Variants in LDHA observed in about 807,000 individuals in gnomAD.
LDHA encodes the protein L-lactate dehydrogenase A chain.
Under a neutral mutation model 36.3 loss-of-function variants are expected in LDHA, and 10 were observed. The ratio of observed to expected loss-of-function variants is 0.28; its 90% CI spans 0.17 to 0.47. The LOEUF is 0.47. Among genes scored for constraint, LDHA ranks in the 20% least tolerant of loss-of-function variants. The pLI, the probability that LDHA is intolerant of heterozygous loss-of-function variation, is 0.99. For synonymous variants in LDHA, 110 were observed against 136.7 expected (o/e 0.80, Z 1.36); for missense variants, 267 against 405.8 (o/e 0.66, Z 2.94).
In LDHA at chr11:18,402,944, G is replaced by T. The variant is rs1424164242; in HGVS notation, c.523G>T (p.Gly175Trp). The change falls in exon 5 of 8, where the codon GGG (glycine) becomes TGG (tryptophan). Residue 175 changes from glycine (G) to tryptophan (W), a missense_variant. By Grantham distance (184) the Gly-to-Trp change is radical (BLOSUM62 -2). Transcript: ENST00000422447. The part of the protein sequence containing the change: ...LDSARFRYLM[G>W]ERLGVHPLSC... Reference sequence around the variant, plus strand: ...TTCAGCCCGATTCCGTTACCTAATGGGGGAAAGGCTGGGAGTTCACCCATT... The same window carrying T: ...TTCAGCCCGATTCCGTTACCTAATGTGGGAAAGGCTGGGAGTTCACCCATT... 6.2e-7 allele frequency: 1 copy of T among 1,612,554 alleles called. No individual in the cohort carries two copies. Among genetic ancestry groups the T allele is most frequent in the Non-Finnish European group, 8.5e-7 (1 of 1,178,582 alleles).
In LDHA at chr11:18,407,199, T is replaced by C. The variant is rs753349051; in HGVS notation, c.917T>C (p.Val306Ala). The change falls in exon 8 of 8, where the codon GTG becomes GCG. Residue 306 changes from valine to alanine, a missense_variant. Transcript: ENST00000422447. ...AATGGAATCTCAGACCTTGTGAAGG[T>C]GACTCTGACTTCTGAGGAAGAGGCC... Reference protein sequence around the residue: ...GQNGISDLVKVTLTSEEEARL... With the variant: ...GQNGISDLVKATLTSEEEARL... 6.2e-7 allele frequency: 1 copy of C among 1,613,698 alleles called. No homozygotes were observed. The highest frequency in any genetic ancestry group is 2.2e-5 in the East Asian group (1 of 44,864).
intron 2 of LDHA, chr11:18,398,741 G>C (rs1461830509): frequency 1.3e-5 from 2 of 151,654 alleles, no homozygotes; most frequent in Admixed American, 6.6e-5. Context: ...AGCCTCCCAA[G>C]TAGCTGGGAC....
intron 1 of LDHA, chr11:18,396,442 G>C (rs1866305760): frequency 6.5e-6 from 3 of 458,904 alleles, no homozygotes; most frequent in African/African-American, 6.0e-5. Flanking sequence ...CGTATCTCTG[G>C]TGTTTACTTG....
chr11:18,400,642 G>A, intron 3 of LDHA, 195 bp from the exon 4 acceptor site: 1 of 666,800 alleles, frequency 1.5e-6, no homozygotes. Flanking sequence ...CTCCCTAATT[G>A]TAGTTACATA....
intron 6 of LDHA, among the ~76,000 whole-genome samples, chr11:18,404,312 G>GGCAGGAGGATC (rs1347864566): frequency 6.6e-6 from 1 of 152,114 alleles, no homozygotes; most frequent in Non-Finnish European, 1.5e-5. Flanking sequence ...GAGAGGCTGA[G>GGCAGGAGGATC]GCAGGAGGAT....
chr11:18,406,225 G>A (rs958249484), intron 7 of LDHA, among the ~76,000 whole-genome samples: 6 of 151,512 alleles, frequency 4.0e-5, no homozygotes, highest in Non-Finnish European at 7.4e-5. Context: ...CGGCCTCCCC[G>A]AATGCTGGGA....
rs567926833 is a variant in LDHA, at chr11:18,407,760, A to C, written c.*479A>C. Reference sequence around the variant, plus strand: ...CTATATCAGTAGTGTACATTACCATATAATGTAAAAAGATCTACATACAAA... The same window carrying C: ...CTATATCAGTAGTGTACATTACCATCTAATGTAAAAAGATCTACATACAAA... On this transcript the variant is annotated 3_prime_UTR_variant, in exon 8 of 8. Transcript: ENST00000422447. 2.2e-6 allele frequency: 1 copy of C among 460,384 alleles called. No individual in the cohort carries two copies. Among genetic ancestry groups the C allele is most frequent in the African/African-American group, 2.0e-5 (1 of 50,278 alleles). 28.5% of individuals were successfully genotyped at this position (460,384 alleles called of 1,614,324 possible). A position where few individuals can be genotyped will look rare whatever the true frequency, so the allele number is the denominator to read the frequency against.
At chr11:18,396,689 C>T (rs1866316931) in intron 1 of LDHA, 130 bp from the exon 2 acceptor site, 1 of 1,358,994 alleles carries the variant, frequency 7.4e-7, no homozygotes, top group Non-Finnish European at 9.9e-7. Flanking sequence ...TTTTTCCCCT[C>T]CCTTTTTAGT....
At chr11:18,401,376 C>T (rs1188007615) in intron 4 of LDHA, among the ~76,000 whole-genome samples, 7 of 150,912 alleles carry the variant, frequency 4.6e-5, no homozygotes. Context: ...GTTTTGAACT[C>T]CTGGCCTCAA....
chr11:18,405,731 T>G, intron 7 of LDHA, 159 bp downstream of exon 7: 2 of 766,222 alleles, frequency 2.6e-6, no homozygotes, highest in Non-Finnish European at 4.3e-6. Context: ...TGGTTGAGCT[T>G]TAGGATTAAT....
intron 5 of LDHA, 113 bp from the exon 6 acceptor site, chr11:18,403,581 A>G: frequency 5.1e-6 from 4 of 790,288 alleles, no homozygotes; most frequent in South Asian, 4.1e-5. Context: ...AGTCTTGACC[A>G]TCTACCAAAA....
chr11:18,404,907 A>C (rs1866630381), intron 6 of LDHA, among the ~76,000 whole-genome samples: 1 of 152,184 alleles, frequency 6.6e-6, no homozygotes, highest in African/African-American at 2.4e-5. Context: ...AAAACCTGTG[A>C]ACCCACCACC....
chr11:18,396,770 A>G (rs201534782), intron 1 of LDHA, 49 bp from the exon 2 acceptor site: 436 of 1,510,608 alleles, frequency 2.9e-4, no homozygotes, highest in Non-Finnish European at 3.6e-4. Flanking sequence ...CTCTTGGTTA[A>G]TAAACATTAA....
In LDHA at chr11:18,407,409, C is replaced by T. The variant is rs1866732257; in HGVS notation, c.*128C>T. The T allele has an allele frequency of 6.4e-7, 1 of 1,554,744 alleles. No homozygotes were observed. The highest frequency in any genetic ancestry group is 8.8e-7 in the Non-Finnish European group (1 of 1,142,836). On this transcript the variant is annotated 3_prime_UTR_variant, in exon 8 of 8. Coordinates refer to ENST00000422447, the MANE Select transcript of LDHA (RefSeq NM_005566.4). ...ATATTTTAAGATGGACTGGGAAAAA[C>T]ATCAACTCCTGAAGTTAGAAATAAG...
chr11:18,408,224 T>C lies in LDHA; in HGVS notation c.*943T>C, dbSNP rs1011835216. The C allele has an allele frequency of 1.3e-5, 6 of 453,998 alleles. No homozygotes were observed. Among genetic ancestry groups the C allele is most frequent in the African/African-American group, 8.0e-5 (4 of 50,012 alleles). 28.1% of individuals were successfully genotyped at this position (453,998 alleles called of 1,614,324 possible). A position where few individuals can be genotyped will look rare whatever the true frequency, so the allele number is the denominator to read the frequency against. Reference sequence around the variant, plus strand: ...AAAACAATCTTAAGGCAGGGTGCAGTGGCTCATGCCTATAATCCCAGCACT... The same window carrying C: ...AAAACAATCTTAAGGCAGGGTGCAGCGGCTCATGCCTATAATCCCAGCACT... On this transcript the variant is annotated 3_prime_UTR_variant, in exon 8 of 8. Transcript: ENST00000422447.
chr11:18,408,026 T>C lies in LDHA; in HGVS notation c.*745T>C, dbSNP rs867222703. On this transcript the variant is annotated 3_prime_UTR_variant, in exon 8 of 8. Transcript: ENST00000422447. ...CTGAGTTGTATTGGTACCACTTCCA[T>C]TGTAAGTCCCAAAGTATTATATATT... 3.7e-5 allele frequency: 17 copies of C among 454,120 alleles called. No homozygotes were observed. The highest frequency in any genetic ancestry group is 1.4e-3 in the Middle Eastern group (2 of 1,444). 28.1% of individuals were successfully genotyped at this position (454,120 alleles called of 1,614,324 possible).
rs58157049 is a variant in LDHA at position 18,401,473 on chromosome 11, CTTTT to C, written c.418+482_418+485del. ...CATATTTATTGATTCATTTATTTTT[CTTTT>C]TTTTTTTTTTTTTTTTTTGAGACGG... On this transcript the variant is annotated intron_variant, in intron 4 of 7. Transcript: ENST00000422447. Among the ~76,000 whole-genome samples, 9 of 68,602 alleles carry C rather than the reference CTTTT, an allele frequency of 1.3e-4. No homozygotes were observed. The East Asian group carries it at 2.3e-3, about 18-fold the overall frequency. The allele number at this position is 68,602 out of a possible 152,430, so 45.0% of individuals were successfully genotyped here.
intron 1 of LDHA, chr11:18,396,432 C>A: frequency 2.3e-6 from 1 of 440,368 alleles, no homozygotes; most frequent in African/African-American, 2.0e-5. Flanking sequence ...CTTTTCTGCA[C>A]GTATCTCTGG....
chr11:18,394,847 C>G (rs1304940217), intron 1 of LDHA: 1 of 353,970 alleles, frequency 2.8e-6, no homozygotes, highest in Non-Finnish European at 5.6e-6. Context: ...TTGCTCTAAG[C>G]GGGAACCATG....
Sources: gnomAD v4.1 joint callset for allele counts (sites outside exome capture counted in the v4.1 genomes callset) on GRCh38, gnomAD v4.1.1 for gene constraint, MANE v1.5 for transcripts, NCBI Gene and HGNC (gene_info 2026-07-23, HGNC 2026-07-21) for gene names.